MGAT5B: variants seen among roughly 807,000 people sequenced by gnomAD.
MGAT5B encodes alpha-1,6-mannosylglycoprotein 6-beta-N-acetylglucosaminyltransferase B, also known as N-acetylglucosaminyl-transferase Vb.
In MGAT5B, 54 loss-of-function variants were observed where a neutral mutation model predicts 95.1. The observed-to-expected ratio is 0.57, with a 90% CI of 0.46 to 0.71. MGAT5B has a LOEUF of 0.71. MGAT5B is among the 30% of genes least tolerant of loss of function. The pLI, the probability that MGAT5B is intolerant of heterozygous loss-of-function variation, is 0.00. For synonymous variants in MGAT5B, 464 were observed against 451.0 expected, an observed-to-expected ratio of 1.03 and a Z score of -0.36; for missense variants, 935 against 1,088.6, an observed-to-expected ratio of 0.86 and a Z score of 1.99.
intron 15 of MGAT5B, among the ~76,000 whole-genome samples, chr17:76,943,039 C>CCCCCCA (rs1969912682): frequency 6.6e-6 from 1 of 151,854 alleles, no homozygotes. Context: ...AACTTGCCCC[C>CCCCCCA]CCGGGAGGCC....
intron 8 of MGAT5B, chr17:76,923,840 G>C (rs144583852): frequency 6.6e-6 from 1 of 152,334 alleles, no homozygotes; most frequent in Non-Finnish European, 1.5e-5. Flanking sequence ...TGGGGAAGCG[G>C]GTGCCTGACC....
chr17:76,905,055 A>G lies in MGAT5B; in HGVS notation c.691-114A>G. The G allele has an allele frequency of 8.6e-7, 1 of 1,163,158 alleles. No individual in the cohort carries two copies. 72.1% of individuals were successfully genotyped at this position (1,163,158 alleles called of 1,614,324 possible). On this transcript the variant is annotated intron_variant, in intron 6 of 17. Coordinates refer to ENST00000569840, the MANE Select transcript of MGAT5B (RefSeq NM_001199172.2). The surrounding 1 kb of genome is among the most constrained non-coding windows in gnomAD (Gnocchi z 4.2). ...TGAGCCCCTTAGAAAGTGCAGGAGA[A>G]GCTGGAGCAGGCCCCAGCCTCATGG...
chr17:76,902,844 T>TCC (rs11452541), intron 4 of MGAT5B, among the ~76,000 whole-genome samples, 174 bp downstream of exon 4: 4 of 151,872 alleles, frequency 2.6e-5, no homozygotes, highest in African/African-American at 9.7e-5. Context: ...GGGGGTTCAC[T>TCC]CCCTCGACCC....
chr17:76,901,545 C>T (rs1357807521), intron 3 of MGAT5B, among the ~76,000 whole-genome samples: 1 of 152,104 alleles, frequency 6.6e-6, no homozygotes, highest in Admixed American at 6.5e-5. Flanking sequence ...AATAAATGTC[C>T]CTGAGAGCTG....
At position 76,930,386 on chromosome 17, in the gene MGAT5B, G is replaced by A. The variant is rs144667160; in HGVS notation, c.1292-2259G>A. Among the ~76,000 whole-genome samples the A allele has an allele frequency of 0.013, 1,938 of 152,288 alleles. 19 individuals carry two copies. Among genetic ancestry groups the A allele is most frequent in the Non-Finnish European group, 0.02 (1,390 of 68,030 alleles). The stretch of plus-strand genomic sequence containing the variant: ...AATTGGAGAAACGTTAAAATGTGGG[G>A]GATGTGCATTCGAAATGAAGAAATA... On this transcript the variant is annotated intron_variant, in intron 10 of 17. Coordinates refer to ENST00000569840, the MANE Select transcript of MGAT5B (RefSeq NM_001199172.2). The surrounding 1 kb of genome is among the most constrained non-coding windows in gnomAD (Gnocchi z 4.1).
Position 76,915,209 on chromosome 17 carries a change from GGA to G in MGAT5B, c.1025+9028_1025+9029del, listed in dbSNP as rs138323942. 7.4e-3 allele frequency among the ~76,000 whole-genome samples: 1,125 copies of G among 152,284 alleles called. 8 individuals are homozygous for G. Among genetic ancestry groups the G allele is most frequent in the African/African-American group, 0.025 (1,046 of 41,544 alleles). On this transcript the variant is annotated intron_variant, in intron 8 of 17. Coordinates refer to ENST00000569840, the MANE Select transcript of MGAT5B (RefSeq NM_001199172.2). The surrounding 1 kb of genome is among the most constrained non-coding windows in gnomAD (Gnocchi z 8.7). The stretch of plus-strand genomic sequence containing the variant: ...AGTAGGGAGGTTGTGGACATAGGAG[GGA>G]GAGAGTATTGCTGGCAGTGGCTTCA...
At chr17:76,925,416 G>A (rs1360656015) in intron 9 of MGAT5B, among the ~76,000 whole-genome samples, 2 of 149,700 alleles carry the variant, frequency 1.3e-5, no homozygotes, top group Non-Finnish European at 3.0e-5. Context: ...TAACGGAACA[G>A]GACATTAACC....
chr17:76,901,062 C>T (rs900762582), intron 3 of MGAT5B, among the ~76,000 whole-genome samples: 5 of 152,168 alleles, frequency 3.3e-5, no homozygotes, highest in Non-Finnish European at 5.9e-5. Context: ...CTGCTTTGCT[C>T]CCACCTGTCA....
Position 76,905,447 on chromosome 17 carries a change from C to A in MGAT5B, c.855+114C>A. 1.0e-6 allele frequency: 1 copy of A among 980,186 alleles called. No homozygotes were observed. The highest frequency in any genetic ancestry group is 1.4e-6 in the Non-Finnish European group (1 of 690,992). 60.7% of individuals were successfully genotyped at this position (980,186 alleles called of 1,614,324 possible). On this transcript the variant is annotated intron_variant, in intron 7 of 17. Coordinates refer to ENST00000569840, the MANE Select transcript of MGAT5B (RefSeq NM_001199172.2). The surrounding 1 kb of genome is among the most constrained non-coding windows in gnomAD (Gnocchi z 4.2). ...GCTGTAGTGGGCTTCTGAATTTGAT[C>A]AGAGGGAGAGAGGGGTAGGGATGGC...
In MGAT5B at chr17:76,940,367, G is replaced by A; in HGVS notation, c.1585-35G>A. On this transcript the variant is annotated intron_variant, in intron 13 of 17. Coordinates refer to ENST00000569840, the MANE Select transcript of MGAT5B (RefSeq NM_001199172.2). This position sits in a 1 kb window ranked among gnomAD's most constrained non-coding sequence, Gnocchi z 4.3. The stretch of plus-strand genomic sequence containing the variant: ...GTGCTTACTGGGCTGTGGCGGCCCA[G>A]CCCTCCCTGATCACTGCGCCCCTTG... 5 of 1,541,042 alleles carry A rather than the reference G, an allele frequency of 3.2e-6. No homozygotes were observed. The highest frequency in any genetic ancestry group is 4.4e-6 in the Non-Finnish European group (5 of 1,141,172).
At chr17:76,931,388 C>A (rs952871319) in intron 10 of MGAT5B, among the ~76,000 whole-genome samples, 3 of 152,240 alleles carry the variant, frequency 2.0e-5, no homozygotes, top group African/African-American at 7.2e-5. Flanking sequence ...TGAGCCACCA[C>A]ACCTGGCCTA....
At chr17:76,948,573 T>A in intron 17 of MGAT5B, 67 bp from the exon 18 acceptor site, 8 of 1,441,720 alleles carry the variant, frequency 5.5e-6, no homozygotes, top group South Asian at 5.0e-5. Context: ...GGGCAGCCCC[T>A]ACCCCGCCCC....
Position 76,870,169 on chromosome 17 carries a change from C to G in MGAT5B, c.68+1072C>G. Among the ~76,000 whole-genome samples, 1 of 152,214 alleles carries G rather than the reference C, an allele frequency of 6.6e-6. No individual in the cohort carries two copies. Among genetic ancestry groups the G allele is most frequent in the Non-Finnish European group, 1.5e-5 (1 of 68,026 alleles). On this transcript the variant is annotated intron_variant, in intron 1 of 17. Transcript: ENST00000569840. The surrounding 1 kb of genome is among the most constrained non-coding windows in gnomAD (Gnocchi z 5.0). ...TCTCGGCCCAGCCCCACTGTGGTCC[C>G]CCTGCCGGCTCCAGACGGGGATGGG...
At chr17:76,881,688 G>A (rs1355044982) in intron 2 of MGAT5B, among the ~76,000 whole-genome samples, 5 of 152,230 alleles carry the variant, frequency 3.3e-5, no homozygotes, top group Non-Finnish European at 5.9e-5. Flanking sequence ...GCTGCTGGGT[G>A]ATTGGCCACA....
intron 8 of MGAT5B, chr17:76,924,568 G>T (rs1193110646): frequency 5.5e-6 from 1 of 180,630 alleles, no homozygotes; most frequent in African/African-American, 2.3e-5. Flanking sequence ...AGGAGGTTTG[G>T]GGCCCTCATC....
chr17:76,898,326 C>CTTTTTTTT, intron 3 of MGAT5B, among the ~76,000 whole-genome samples: 1 of 130,346 alleles, frequency 7.7e-6, no homozygotes, highest in African/African-American at 3.3e-5. Context: ...AGTACATAAT[C>CTTTTTTTT]TTTTTATTTT....
chr17:76,882,632 A>C, intron 3 of MGAT5B: 2 of 209,998 alleles, frequency 9.5e-6, no homozygotes, highest in East Asian at 1.0e-4. Context: ...ACACACACAC[A>C]TTATAAATTC....
At chr17:76,886,487 G>A (rs183134590) in intron 3 of MGAT5B, among the ~76,000 whole-genome samples, 39 of 152,368 alleles carry the variant, frequency 2.6e-4, no homozygotes, top group Admixed American at 2.0e-3. Context: ...GTCCAGAGAA[G>A]GGGGTGACCC....
In MGAT5B at chr17:76,898,137, G is replaced by T. The variant is rs187201845; in HGVS notation, c.330-4418G>T. On this transcript the variant is annotated intron_variant, in intron 3 of 17. Transcript: ENST00000569840. ...TAGAACTTGATGGAGTTTTGATGGAGTTTTACATATGGACAGATTCGCCTA... is the reference window on the plus strand; with the variant it reads ...TAGAACTTGATGGAGTTTTGATGGATTTTTACATATGGACAGATTCGCCTA... 1.6e-3 allele frequency among the ~76,000 whole-genome samples: 245 copies of T among 152,144 alleles called. 1 individual carries two copies. Among genetic ancestry groups the T allele is most frequent in the African/African-American group, 5.7e-3 (235 of 41,504 alleles).
Sources: gnomAD v4.1 joint callset for allele counts (sites outside exome capture counted in the v4.1 genomes callset) on GRCh38, gnomAD v4.1.1 for gene constraint, Gnocchi (gnomAD v3.1) non-coding constraint, MANE v1.5 for transcripts, NCBI Gene and HGNC (gene_info 2026-07-23, HGNC 2026-07-21) for gene names.